FGF13: variants seen among roughly 807,000 people sequenced by gnomAD.
FGF13 encodes fibroblast growth factor homologous factor 2.
A neutral mutation model predicts 19.5 loss-of-function variants in FGF13; 2 were observed. The ratio of observed to expected loss-of-function variants is 0.10; its 90% CI spans 0.04 to 0.32. The LOEUF (loss-of-function observed/expected upper bound fraction) is 0.32, where lower values mean the gene tolerates loss of function less well. Ranked by LOEUF, FGF13 falls within the 10% of genes least tolerant of loss-of-function variation. The pLI, the probability that FGF13 is intolerant of heterozygous loss-of-function variation, is 1.00. For synonymous variants in FGF13, 72 were observed against 76.9 expected, an observed-to-expected ratio of 0.94 and a Z score of 0.33; for missense variants, 113 against 192.7, an observed-to-expected ratio of 0.59 and a Z score of 2.45.
rs544710953 is a variant in FGF13, at chrX:138,872,446, G to A, written c.-112-7796C>T. Among the ~76,000 whole-genome samples the A allele has an allele frequency of 5.4e-4, 60 of 111,487 alleles. 3 individuals are homozygous for A. The South Asian group carries it at 0.022, about 41-fold the overall frequency. The stretch of plus-strand genomic sequence containing the variant: ...TGATGGAAATGATGATGGGCAGTTT[G>A]CAAAACAACATCCTTGAAAAACTGA... On this transcript the variant is annotated intron_variant, in intron 1 of 2. Transcript: ENST00000421460.
intron 1 of FGF13, among the ~76,000 whole-genome samples, chrX:138,996,527 T>G (rs1214542164): frequency 8.9e-6 from 1 of 112,565 alleles, no homozygotes; most frequent in Non-Finnish European, 1.9e-5. Context: ...TTGCTTAGGC[T>G]TGAGTAGGCA....
chrX:138,919,197 A>G (rs1413695673), intron 1 of FGF13, among the ~76,000 whole-genome samples: 1 of 111,914 alleles, frequency 8.9e-6, no homozygotes, highest in Admixed American at 9.5e-5. Flanking sequence ...ACAGGACAAC[A>G]TTTGTGGTAT....
chrX:138,827,990 A>G (rs1267077317), intron 3 of FGF13, among the ~76,000 whole-genome samples: 1 of 111,525 alleles, frequency 9.0e-6, no homozygotes, highest in African/African-American at 3.3e-5. Flanking sequence ...CTTTGTTTTA[A>G]TTCTAGTGGA....
intron 1 of FGF13, among the ~76,000 whole-genome samples, chrX:139,047,403 C>CT (rs1199764625): frequency 2.8e-5 from 3 of 107,133 alleles, no homozygotes; most frequent in African/African-American, 6.8e-5. Flanking sequence ...TTTTTTTTTT[C>CT]TTTTTTTTAT....
Position 138,996,288 on chromosome X carries a change from G to A in FGF13, c.-112-131638C>T, listed in dbSNP as rs190285736. 3.0e-3 allele frequency among the ~76,000 whole-genome samples: 333 copies of A among 112,405 alleles called. 2 individuals are homozygous for A. The highest frequency in any genetic ancestry group is 0.028 in the Admixed American group (300 of 10,669). On this transcript the variant is annotated intron_variant, in intron 1 of 2. Coordinates refer to the FGF13 transcript ENST00000421460. The stretch of plus-strand genomic sequence containing the variant: ...TTCCCTTTCCTACCCAAGGGAAGCC[G>A]TGAGAGACTTCCAGGAGGAACGGTA...
At chrX:139,150,622 C>G (rs2083927307) in intron 1 of FGF13, among the ~76,000 whole-genome samples, 1 of 111,974 alleles carries the variant, frequency 8.9e-6, no homozygotes, top group African/African-American at 3.2e-5. Context: ...AGTGCCTTCT[C>G]TCTATCCTAT....
At chrX:138,830,736 G>A (rs184365912) in intron 3 of FGF13, among the ~76,000 whole-genome samples, 11,766 of 76,096 alleles carry the variant, frequency 0.15, 661 homozygotes, top group Middle Eastern at 0.25. Flanking sequence ...TGTGTTTTAA[G>A]CTATCTCCTA....
At chrX:139,110,228 AATGTATATAAAATGTATAT>A (rs1247994889) in intron 1 of FGF13, among the ~76,000 whole-genome samples, 2 of 110,390 alleles carry the variant, frequency 1.8e-5, no homozygotes, top group East Asian at 5.6e-4. Context: ...TGTATATATA[AATGTATATAAAATGTATAT>A]ATATAAAACA....
chrX:138,835,514 T>C (rs2091106535), intron 3 of FGF13, among the ~76,000 whole-genome samples: 1 of 112,170 alleles, frequency 8.9e-6, no homozygotes, highest in African/African-American at 3.2e-5. Flanking sequence ...CCTTGGTAGA[T>C]TTTCCTCCAT....
intron 1 of FGF13, among the ~76,000 whole-genome samples, chrX:138,926,848 G>T (rs1319322964): frequency 9.0e-6 from 1 of 111,383 alleles, no homozygotes; most frequent in Non-Finnish European, 1.9e-5. Flanking sequence ...CCAGCTACTT[G>T]GGAGGCTGAG....
At chrX:138,791,654 G>A (rs993091549) in intron 3 of FGF13, among the ~76,000 whole-genome samples, 2 of 112,078 alleles carry the variant, frequency 1.8e-5, no homozygotes, top group African/African-American at 6.5e-5. Flanking sequence ...GTATCTTAAT[G>A]TCTGTACCAA....
At chrX:138,731,203 G>A (rs2090227832) in intron 1 of FGF13, among the ~76,000 whole-genome samples, 1 of 111,148 alleles carries the variant, frequency 9.0e-6, no homozygotes, top group African/African-American at 3.3e-5. Context: ...GTACAACACT[G>A]TCAATCAATT....
intron 3 of FGF13, among the ~76,000 whole-genome samples, chrX:138,815,664 C>A (rs957116039): frequency 9.1e-6 from 1 of 109,754 alleles, no homozygotes; most frequent in African/African-American, 3.3e-5. Flanking sequence ...CAATGGACAC[C>A]ATTTAGGAAA....
intron 2 of FGF13, among the ~76,000 whole-genome samples, chrX:138,706,115 A>G (rs1211527940): frequency 8.9e-6 from 1 of 112,419 alleles, no homozygotes; most frequent in Non-Finnish European, 1.9e-5. Context: ...CAATTTCTCA[A>G]AAGAGAATAA....
intron 1 of FGF13, among the ~76,000 whole-genome samples, chrX:139,095,232 C>T: frequency 8.9e-6 from 1 of 112,007 alleles, no homozygotes; most frequent in East Asian, 2.8e-4. Flanking sequence ...AAAAAAGTTC[C>T]AGATCCTTTC....
intron 1 of FGF13, among the ~76,000 whole-genome samples, chrX:139,198,637 T>C (rs2084392456): frequency 8.9e-6 from 1 of 112,436 alleles, no homozygotes; most frequent in Non-Finnish European, 1.9e-5. Context: ...TTAGACTTAA[T>C]ATTTATTACA....
intron 1 of FGF13, among the ~76,000 whole-genome samples, chrX:138,873,352 C>A (rs749497958): frequency 1.8e-4 from 20 of 111,869 alleles, no homozygotes; most frequent in Non-Finnish European, 3.6e-4. Context: ...AATTTAAAAA[C>A]CTTCTGCTGC....
At chrX:138,740,960 C>T (rs1460744348), upstream of FGF13, among the ~76,000 whole-genome samples, 2 of 112,430 alleles carry the variant, frequency 1.8e-5, no homozygotes, top group Non-Finnish European at 3.8e-5. Flanking sequence ...CAGAATGTGG[C>T]CATGGGGTAT....
intron 1 of FGF13, among the ~76,000 whole-genome samples, chrX:138,904,289 G>A (rs2091546488): frequency 9.0e-6 from 1 of 111,462 alleles, no homozygotes; most frequent in Non-Finnish European, 1.9e-5. Context: ...GAATTTGTGT[G>A]TGTATCGTGG....
Sources: allele counts gnomAD v4.1 joint callset (sites outside exome capture counted in the v4.1 genomes callset), GRCh38; gene constraint gnomAD v4.1.1; transcripts MANE v1.5; gene names NCBI Gene and HGNC (gene_info 2026-07-23, HGNC 2026-07-21).